Variants in CTNNBL1 observed in about 807,000 individuals in gnomAD.
CTNNBL1 encodes catenin beta like 1.
A neutral mutation model predicts 72.7 loss-of-function variants in CTNNBL1; 31 were observed. That is an observed-to-expected ratio of 0.43 (90% CI 0.32 to 0.58). The LOEUF is 0.58. CTNNBL1 is among the 20% of genes least tolerant of loss of function. The pLI is 0.08. For missense variants in CTNNBL1, 534 were observed against 725.1 expected, an observed-to-expected ratio of 0.74 and a Z score of 3.03; for synonymous variants, 240 against 267.3, an observed-to-expected ratio of 0.90 and a Z score of 1.00.
intron 15 of CTNNBL1, among the ~76,000 whole-genome samples, chr20:37,866,275 TC>T (rs2072536097): frequency 6.6e-6 from 1 of 152,204 alleles, no homozygotes; most frequent in Non-Finnish European, 1.5e-5. Flanking sequence ...AAGAGGGCTC[TC>T]GGGAAGCGCT....
chr20:37,746,756 CT>C (rs34729269), intron 4 of CTNNBL1, 149 bp downstream of exon 4: 1 of 1,069,776 alleles, frequency 9.3e-7, no homozygotes, highest in Non-Finnish European at 1.4e-6. Flanking sequence ...ACACACAATG[CT>C]TTTTACTCAT....
chr20:37,837,216 A>G (rs1197298574), intron 11 of CTNNBL1, among the ~76,000 whole-genome samples: 1 of 151,996 alleles, frequency 6.6e-6, no homozygotes, highest in Admixed American at 6.6e-5. Context: ...CCCCGAGCTG[A>G]GCTCTGTTAG....
intron 11 of CTNNBL1, among the ~76,000 whole-genome samples, chr20:37,817,180 G>A (rs949502783): frequency 4.6e-5 from 7 of 152,104 alleles, no homozygotes; most frequent in African/African-American, 1.7e-4. Flanking sequence ...TCTTGATCCC[G>A]GACTTCAGTC....
At position 37,767,265 on chromosome 20, in the gene CTNNBL1, A is replaced by G. The variant is rs2073477826; in HGVS notation, c.659-688A>G. 2.0e-5 allele frequency among the ~76,000 whole-genome samples: 3 copies of G among 152,156 alleles called. 1 individual carries two copies. Among genetic ancestry groups the G allele is most frequent in the South Asian group, 4.1e-4 (2 of 4,828 alleles). The stretch of plus-strand genomic sequence containing the variant: ...AAGGACTCTAGGTGATTAAAAAAAA[A>G]GAGATCTCCTTTTTCGTATCATAGT... On this transcript the variant is annotated intron_variant, in intron 6 of 15. Transcript: ENST00000361383.
intron 11 of CTNNBL1, among the ~76,000 whole-genome samples, chr20:37,824,491 G>A (rs1209110753): frequency 6.6e-6 from 1 of 152,178 alleles, no homozygotes; most frequent in African/African-American, 2.4e-5. Flanking sequence ...CTCTCTTTTG[G>A]CCCTACTTAG....
At chr20:37,780,409 C>T (rs536209012) in intron 10 of CTNNBL1, among the ~76,000 whole-genome samples, 1 of 152,204 alleles carries the variant, frequency 6.6e-6, no homozygotes, top group South Asian at 2.1e-4. Flanking sequence ...GTTAGGAAAA[C>T]AGTTCTGTGA....
chr20:37,842,612 A>C (rs2072314296), intron 13 of CTNNBL1, among the ~76,000 whole-genome samples, 193 bp downstream of exon 13: 1 of 152,172 alleles, frequency 6.6e-6, no homozygotes, highest in Non-Finnish European at 1.5e-5. Flanking sequence ...TTCAGGAAGA[A>C]GTATGTGTAG....
At chr20:37,754,033 A>G (rs551837242) in intron 4 of CTNNBL1, among the ~76,000 whole-genome samples, 2 of 152,300 alleles carry the variant, frequency 1.3e-5, no homozygotes, top group Admixed American at 1.3e-4. Flanking sequence ...GCAAAGATGA[A>G]TATGACATGA....
intron 1 of CTNNBL1, among the ~76,000 whole-genome samples, chr20:37,704,936 C>T (rs2072873065): frequency 6.6e-6 from 1 of 152,184 alleles, no homozygotes; most frequent in Non-Finnish European, 1.5e-5. Flanking sequence ...ACAGCCATGT[C>T]TTTCTGCAGT....
intron 15 of CTNNBL1, among the ~76,000 whole-genome samples, chr20:37,862,803 G>T (rs952327395): frequency 4.0e-5 from 6 of 149,094 alleles, no homozygotes; most frequent in Admixed American, 2.7e-4. Context: ...TTCATAGCCA[G>T]CTCCTTAGTC....
intron 1 of CTNNBL1, among the ~76,000 whole-genome samples, chr20:37,721,475 C>T (rs745333412): frequency 2.5e-4 from 38 of 152,208 alleles, no homozygotes; most frequent in Non-Finnish European, 4.6e-4. Flanking sequence ...TTGGGCATGA[C>T]TTGGTCTGCC....
rs571716114 is a variant in CTNNBL1 at position 37,747,429 on chromosome 20, T to A, written c.466+822T>A. Among the ~76,000 whole-genome samples, 30 of 151,250 alleles carry A rather than the reference T, an allele frequency of 2.0e-4. No homozygotes were observed. The South Asian group carries it at 6.3e-3, about 32-fold the overall frequency. ...AGACTGAGTACACAGTAAATAGCATTTAATATTTGTTGAGTGCATGTTGGA... is the reference window on the plus strand; with the variant it reads ...AGACTGAGTACACAGTAAATAGCATATAATATTTGTTGAGTGCATGTTGGA... On this transcript the variant is annotated intron_variant, in intron 4 of 15. Transcript: ENST00000361383.
intron 1 of CTNNBL1, among the ~76,000 whole-genome samples, chr20:37,714,276 T>C (rs6095861): frequency 0.31 from 46,498 of 152,034 alleles, 7,207 homozygotes; most frequent in Admixed American, 0.33. Flanking sequence ...TCAATAAATA[T>C]CTCTTGACTA....
intron 1 of CTNNBL1, among the ~76,000 whole-genome samples, chr20:37,728,951 C>A (rs1454275279): frequency 1.3e-5 from 2 of 152,186 alleles, no homozygotes; most frequent in East Asian, 3.8e-4. Flanking sequence ...TTGTCTCAAT[C>A]CACACTGGCC....
At chr20:37,699,767 A>G (rs1028024188) in intron 1 of CTNNBL1, among the ~76,000 whole-genome samples, 4 of 152,208 alleles carry the variant, frequency 2.6e-5, no homozygotes, top group Admixed American at 2.6e-4. Context: ...ACCAGATCCC[A>G]GGTGATGCTG....
At chr20:37,706,905 G>A (rs1485480284) in intron 1 of CTNNBL1, among the ~76,000 whole-genome samples, 2 of 152,222 alleles carry the variant, frequency 1.3e-5, no homozygotes, top group Non-Finnish European at 1.5e-5. Flanking sequence ...AATGGATGCT[G>A]TGTGTGCAGG....
intron 13 of CTNNBL1, among the ~76,000 whole-genome samples, chr20:37,856,056 G>A (rs1304760558): frequency 1.3e-5 from 2 of 152,098 alleles, no homozygotes; most frequent in Non-Finnish European, 2.9e-5. Flanking sequence ...GGCCAACATG[G>A]TGAAACCACA....
intron 13 of CTNNBL1, among the ~76,000 whole-genome samples, chr20:37,857,365 G>A (rs1321245510): frequency 6.6e-6 from 1 of 152,190 alleles, no homozygotes; most frequent in Non-Finnish European, 1.5e-5. Flanking sequence ...GCCAAAGAGG[G>A]TTCAGGTTTT....
intron 13 of CTNNBL1, among the ~76,000 whole-genome samples, chr20:37,858,601 TG>T (rs11475640): frequency 0.7 from 106,412 of 151,604 alleles, 38,042 homozygotes; most frequent in East Asian, 0.86. Flanking sequence ...GGATTGGGGT[TG>T]GGGGATGGTA....
Sources: allele counts gnomAD v4.1 joint callset (sites outside exome capture counted in the v4.1 genomes callset), GRCh38; gene constraint gnomAD v4.1.1; transcripts MANE v1.5; gene names NCBI Gene and HGNC (gene_info 2026-07-23, HGNC 2026-07-21).